RPS6KA2: variants seen among roughly 807,000 people sequenced by gnomAD.
The protein encoded by RPS6KA2 is ribosomal protein S6 kinase alpha-2.
Under a neutral mutation model 91.8 loss-of-function variants are expected in RPS6KA2, and 42 were observed. The ratio of observed to expected loss-of-function variants is 0.46; its 90% CI spans 0.36 to 0.59. The LOEUF (loss-of-function observed/expected upper bound fraction) is 0.59. Among genes scored for constraint, RPS6KA2 ranks in the 20% least tolerant of loss-of-function variants. RPS6KA2 has a pLI of 0.00. For synonymous variants in RPS6KA2, 414 were observed against 393.6 expected, an observed-to-expected ratio of 1.05 and a Z score of -0.61; for missense variants, 798 against 978.5, an observed-to-expected ratio of 0.82 and a Z score of 2.46.
intron 2 of RPS6KA2, among the ~76,000 whole-genome samples, chr6:166,682,497 G>A (rs1222405043): frequency 1.3e-5 from 2 of 152,218 alleles, no homozygotes; most frequent in South Asian, 2.1e-4. Flanking sequence ...CCTGGGGAAA[G>A]GCAGGGGCAG....
intron 2 of RPS6KA2, among the ~76,000 whole-genome samples, chr6:166,830,018 C>T (rs1780141896): frequency 6.6e-6 from 1 of 151,534 alleles, no homozygotes; most frequent in Admixed American, 6.6e-5. Flanking sequence ...CCCAGCTACT[C>T]CAGAGGTCAA....
chr6:166,727,032 A>C (rs1790358368), intron 2 of RPS6KA2, among the ~76,000 whole-genome samples: 1 of 152,186 alleles, frequency 6.6e-6, no homozygotes, highest in Non-Finnish European at 1.5e-5. Context: ...CTTTATCAGA[A>C]GCACTCTGAG....
intron 5 of RPS6KA2, among the ~76,000 whole-genome samples, chr6:166,507,544 A>G (rs1347009065): frequency 1.3e-5 from 2 of 151,502 alleles, no homozygotes; most frequent in African/African-American, 4.9e-5. Flanking sequence ...CACATATAGC[A>G]CACACACACC....
chr6:166,607,261 G>T (rs1785987616), intron 1 of RPS6KA2, among the ~76,000 whole-genome samples: 1 of 151,210 alleles, frequency 6.6e-6, no homozygotes, highest in African/African-American at 2.4e-5. Flanking sequence ...TGCCATCCCA[G>T]ATCCAGCAAT....
chr6:166,760,097 G>A (rs1778125844), intron 2 of RPS6KA2, among the ~76,000 whole-genome samples: 1 of 152,182 alleles, frequency 6.6e-6, no homozygotes, highest in African/African-American at 2.4e-5. Context: ...AAATACACAG[G>A]AATAAAAACG....
intron 1 of RPS6KA2, among the ~76,000 whole-genome samples, chr6:166,593,427 T>G (rs1272532885): frequency 6.6e-6 from 1 of 152,218 alleles, no homozygotes; most frequent in Non-Finnish European, 1.5e-5. Context: ...TGGCTCACAC[T>G]ACAGTCAACT....
At chr6:166,498,817 G>A (rs1054310638) in intron 7 of RPS6KA2, among the ~76,000 whole-genome samples, 167 bp from the exon 8 acceptor site, 10 of 152,206 alleles carry the variant, frequency 6.6e-5, no homozygotes, top group African/African-American at 9.6e-5. Context: ...CCCGAAGCCC[G>A]TCAGTGCCCG....
chr6:166,695,413 A>G (rs1253343711), intron 2 of RPS6KA2, among the ~76,000 whole-genome samples: 1 of 152,224 alleles, frequency 6.6e-6, no homozygotes, highest in Non-Finnish European at 1.5e-5. Context: ...AACTGGCCAG[A>G]AAATGGGGTA....
intron 2 of RPS6KA2, among the ~76,000 whole-genome samples, chr6:166,654,093 C>T (rs540594343): frequency 1.3e-5 from 2 of 152,336 alleles, no homozygotes; most frequent in East Asian, 3.9e-4. Context: ...AACTATTCTT[C>T]CATCATATTG....
At chr6:166,688,401 G>A (rs536785082) in intron 2 of RPS6KA2, among the ~76,000 whole-genome samples, 13 of 152,314 alleles carry the variant, frequency 8.5e-5, no homozygotes, top group African/African-American at 2.6e-4. Flanking sequence ...GCTCATCCCC[G>A]GCCTTGCCAG....
intron 2 of RPS6KA2, among the ~76,000 whole-genome samples, chr6:166,675,387 TC>T (rs1326137871): frequency 6.6e-6 from 1 of 152,180 alleles, no homozygotes; most frequent in Non-Finnish European, 1.5e-5. Flanking sequence ...TCAGCCCTGG[TC>T]CTGCCCCAGT....
At chr6:166,443,405 G>C (rs1278053216) in intron 14 of RPS6KA2, among the ~76,000 whole-genome samples, 1 of 152,190 alleles carries the variant, frequency 6.6e-6, no homozygotes, top group Non-Finnish European at 1.5e-5. Context: ...ACTTCTTAGT[G>C]GTTCTATGGT....
chr6:166,858,222 G>T, exon 2 of RPS6KA2: 2 of 1,546,992 alleles, frequency 1.3e-6, no homozygotes, highest in Non-Finnish European at 1.8e-6. Flanking sequence ...GTCTTCTGTG[G>T]TGGGCTCCAC....
intron 3 of RPS6KA2, among the ~76,000 whole-genome samples, chr6:166,530,972 C>T (rs1455628734): frequency 2.6e-5 from 4 of 152,250 alleles, no homozygotes; most frequent in East Asian, 3.8e-4. Flanking sequence ...TTCCCAATGC[C>T]GCTCCACGGC....
At chr6:166,431,247 G>A (rs778828757) in intron 15 of RPS6KA2, among the ~76,000 whole-genome samples, 1 of 152,188 alleles carries the variant, frequency 6.6e-6, no homozygotes, top group Non-Finnish European at 1.5e-5. Context: ...ATATTTAGAC[G>A]TTAAGAAATG....
chr6:166,415,676 C>T (rs899750217), intron 19 of RPS6KA2, among the ~76,000 whole-genome samples: 1 of 152,110 alleles, frequency 6.6e-6, no homozygotes, highest in Non-Finnish European at 1.5e-5. Context: ...CACCAGCACC[C>T]ACGTCCTAGT....
intron 2 of RPS6KA2, among the ~76,000 whole-genome samples, chr6:166,656,849 G>A (rs1234860565): frequency 6.6e-6 from 1 of 152,210 alleles, no homozygotes; most frequent in East Asian, 1.9e-4. Flanking sequence ...CGGTGCATGT[G>A]AAAGCCCGGG....
At chr6:166,735,085 T>C (rs74650239) in intron 2 of RPS6KA2, among the ~76,000 whole-genome samples, 1 of 152,206 alleles carries the variant, frequency 6.6e-6, no homozygotes, top group African/African-American at 2.4e-5. Flanking sequence ...TCCATCAAAC[T>C]TGGAGAACTC....
rs1445669746 is a variant in RPS6KA2, at chr6:166,563,661, T to C, written c.100-24877A>G. Among the ~76,000 whole-genome samples the C allele has an allele frequency of 6.6e-6, 1 of 151,206 alleles. No homozygotes were observed. The highest frequency in any genetic ancestry group is 2.4e-5 in the African/African-American group (1 of 41,056). On this transcript the variant is annotated intron_variant, in intron 1 of 20. Coordinates refer to ENST00000265678, the MANE Select transcript of RPS6KA2 (RefSeq NM_021135.6). This position sits in a 1 kb window ranked among gnomAD's most constrained non-coding sequence, Gnocchi z 4.1. ...CCCCAGGCAGATCTTGTGGGCAAGG[T>C]ATCTGCTTAAAGACATTGATGGATT... is the stretch of plus-strand genomic sequence containing the variant.
Sources: gnomAD v4.1 joint callset for allele counts (sites outside exome capture counted in the v4.1 genomes callset) on GRCh38, gnomAD v4.1.1 for gene constraint, Gnocchi (gnomAD v3.1) non-coding constraint, MANE v1.5 for transcripts, NCBI Gene and HGNC (gene_info 2026-07-23, HGNC 2026-07-21) for gene names.